Variants in SLC26A4 observed in about 807,000 individuals in gnomAD.
SLC26A4 encodes solute carrier family 26 member 4, also known as pendrin.
In SLC26A4, 93 loss-of-function variants were observed where a neutral mutation model predicts 90.4. That is an observed-to-expected ratio of 1.03 (90% CI 0.87 to 1.22). The LOEUF (loss-of-function observed/expected upper bound fraction) is 1.22, where lower values mean the gene tolerates loss of function less well. Among genes scored for constraint, SLC26A4 ranks in the 50% most tolerant of loss-of-function variants. SLC26A4 has a pLI of 0.00. For missense variants in SLC26A4, 1,127 were observed against 946.2 expected (o/e 1.19, Z -2.51); for synonymous variants, 393 against 354.6 (o/e 1.11, Z -1.22).
At position 107,710,144 on chromosome 7, in the gene SLC26A4, T is replaced by C; in HGVS notation, c.2180T>C (p.Leu727Pro). ...TFFLTVHDAI[L>P]YLQNQVKSQE... ...TTTTTGACGGTCCATGATGCTATAC[T>C]CTATCTACAGAACCAAGTGAAATCT... Residue 727 changes from leucine to proline, a missense_variant, in exon 19 of 21, where the codon CTC becomes CCC. Leu to Pro is a moderately conservative substitution (Grantham distance 98). Transcript: ENST00000644269. 6.2e-7 allele frequency: 1 copy of C among 1,609,092 alleles called. No individual in the cohort carries two copies.
intron 19 of SLC26A4, among the ~76,000 whole-genome samples, chr7:107,711,939 G>C (rs1792202062): frequency 6.6e-6 from 1 of 152,154 alleles, no homozygotes; most frequent in Non-Finnish European, 1.5e-5. Context: ...TTTTAGCCTG[G>C]ATATATATTT....
intron 8 of SLC26A4, among the ~76,000 whole-genome samples, chr7:107,686,283 C>G (rs1269960586): frequency 7.9e-6 from 1 of 127,096 alleles, no homozygotes; most frequent in Non-Finnish European, 1.7e-5. Context: ...CCTCCCTTCC[C>G]TCCCTTTCCT....
chr7:107,673,500 G>C (rs894723607), intron 4 of SLC26A4, among the ~76,000 whole-genome samples: 1 of 151,830 alleles, frequency 6.6e-6, no homozygotes, highest in Non-Finnish European at 1.5e-5. Flanking sequence ...TAAAAGTTGA[G>C]CGGAACAAGT....
chr7:107,712,865 T>C (rs547061031), intron 20 of SLC26A4, among the ~76,000 whole-genome samples: 2 of 152,312 alleles, frequency 1.3e-5, no homozygotes, highest in South Asian at 4.1e-4. Context: ...GCCAACACAC[T>C]GCTCCTGATT....
At chr7:107,677,668 C>G (rs887873273) in intron 6 of SLC26A4, among the ~76,000 whole-genome samples, 23 of 150,876 alleles carry the variant, frequency 1.5e-4, no homozygotes, top group Admixed American at 5.3e-4. Flanking sequence ...TACAGTAGCA[C>G]AGTCATAGCT....
At chr7:107,688,912 T>C in intron 8 of SLC26A4, 141 bp from the exon 9 acceptor site, 1 of 792,244 alleles carries the variant, frequency 1.3e-6, no homozygotes, top group Non-Finnish European at 2.1e-6. Flanking sequence ...CTATCATGTA[T>C]GTATTTCGTG....
intron 13 of SLC26A4, 41 bp downstream of exon 13, chr7:107,696,080 C>T (rs1483800460): frequency 9.2e-7 from 1 of 1,083,804 alleles, no homozygotes; most frequent in African/African-American, 1.5e-5. Flanking sequence ...AACAGAACAA[C>T]ACACTCTGAG....
At chr7:107,709,243 A>G (rs1484427736) in intron 18 of SLC26A4, among the ~76,000 whole-genome samples, 2 of 152,144 alleles carry the variant, frequency 1.3e-5, no homozygotes, top group Non-Finnish European at 2.9e-5. Context: ...CAGGCCAGCC[A>G]TGTGTGGGGA....
intron 17 of SLC26A4, among the ~76,000 whole-genome samples, chr7:107,703,408 T>C (rs181051392): frequency 1.3e-5 from 2 of 152,258 alleles, no homozygotes; most frequent in African/African-American, 4.8e-5. Context: ...ACTAGGTAGG[T>C]AGGGTAGAGA....
chr7:107,683,965 A>G (rs527950302), intron 8 of SLC26A4, among the ~76,000 whole-genome samples: 1 of 152,318 alleles, frequency 6.6e-6, no homozygotes, highest in South Asian at 2.1e-4. Context: ...ATATCCTCGT[A>G]CCCATAAGTA....
chr7:107,684,339 G>T (rs1451027222), intron 8 of SLC26A4, among the ~76,000 whole-genome samples: 3 of 152,152 alleles, frequency 2.0e-5, no homozygotes, highest in Non-Finnish European at 4.4e-5. Flanking sequence ...GGAAGAGTTT[G>T]GTACCGGTGT....
chr7:107,695,817 G>GAA, intron 12 of SLC26A4, 116 bp from the exon 13 acceptor site: 39 of 596,404 alleles, frequency 6.5e-5, no homozygotes, highest in Non-Finnish European at 7.7e-5. Context: ...TATCTCAAAA[G>GAA]AAAAAAAAAA....
intron 6 of SLC26A4, among the ~76,000 whole-genome samples, chr7:107,678,605 T>C (rs139215488): frequency 8.8e-4 from 134 of 152,336 alleles, no homozygotes; most frequent in Middle Eastern, 6.8e-3. Context: ...TTACTTCCTG[T>C]TGAATATTTT....
At chr7:107,671,420 C>T (rs1790863355) in intron 3 of SLC26A4, among the ~76,000 whole-genome samples, 1 of 152,176 alleles carries the variant, frequency 6.6e-6, no homozygotes, top group African/African-American at 2.4e-5. Context: ...TATGGCTTCC[C>T]AAAGCACTGG....
In SLC26A4 at chr7:107,661,284, T is replaced by G; in HGVS notation, c.-3-355T>G. 13 of 366,886 alleles carry G rather than the reference T, an allele frequency of 3.5e-5. No individual in the cohort carries two copies. The highest frequency in any genetic ancestry group is 6.7e-5 in the East Asian group (1 of 14,816). 22.7% of individuals were successfully genotyped at this position (366,886 alleles called of 1,614,324 possible). A position where few individuals can be genotyped will look rare whatever the true frequency, so the allele number is the denominator to read the frequency against. ...TTGGCCCCTGCCCCAGCCCCTCGGT[T>G]TGGGGGAGATTTCAGAACGCGGACA... On this transcript the variant is annotated intron_variant, in intron 1 of 20. Transcript: ENST00000644269. The surrounding 1 kb of genome is among the most constrained non-coding windows in gnomAD (Gnocchi z 5.1).
At chr7:107,690,776 T>G (rs923965249) in intron 10 of SLC26A4, among the ~76,000 whole-genome samples, 6 of 152,202 alleles carry the variant, frequency 3.9e-5, no homozygotes, top group African/African-American at 1.2e-4. Context: ...GTTGAAGTTC[T>G]GCATGTGGGT....
chr7:107,684,884 T>C (rs1791352845), intron 8 of SLC26A4, among the ~76,000 whole-genome samples: 1 of 152,172 alleles, frequency 6.6e-6, no homozygotes, highest in Non-Finnish European at 1.5e-5. Context: ...TATCAAGTTA[T>C]AGGTGGTCCA....
intron 6 of SLC26A4, among the ~76,000 whole-genome samples, chr7:107,680,018 A>AATCTTATTATATAATATAATCTT (rs1174473099): frequency 1.5e-5 from 2 of 132,896 alleles, no homozygotes; most frequent in Admixed American, 7.7e-5. Context: ...TATATAATAT[A>AATCTTATTATATAATATAATCTT]ATCTTATTAT....
At chr7:107,670,400 C>T (rs1441161904) in intron 3 of SLC26A4, among the ~76,000 whole-genome samples, 1 of 152,060 alleles carries the variant, frequency 6.6e-6, no homozygotes. Context: ...ACTCACCGCG[C>T]CCGGTCCCTC....
Sources: allele counts gnomAD v4.1 joint callset (sites outside exome capture counted in the v4.1 genomes callset), GRCh38; gene constraint gnomAD v4.1.1; non-coding constraint Gnocchi (gnomAD v3.1); transcripts MANE v1.5; gene names NCBI Gene and HGNC (gene_info 2026-07-23, HGNC 2026-07-21).